Variants in AGBL1 observed in about 807,000 individuals in gnomAD.
AGBL1 encodes the protein AGBL carboxypeptidase 1.
Under a neutral mutation model 118.9 loss-of-function variants are expected in AGBL1, and 130 were observed. The ratio of observed to expected loss-of-function variants is 1.09; its 90% confidence interval spans 0.95 to 1.26. The LOEUF (loss-of-function observed/expected upper bound fraction) is 1.26, where lower values mean the gene tolerates loss of function less well. AGBL1 is among the 50% of genes most tolerant of loss of function. AGBL1 has a pLI of 0.00. For missense variants in AGBL1, 1,584 were observed against 1,298.1 expected, an observed-to-expected ratio of 1.22 and a Z score of -3.38; for synonymous variants, 555 against 478.9, an observed-to-expected ratio of 1.16 and a Z score of -2.08.
chr15:86,723,850 G>C (rs151244145), intron 22 of AGBL1, among the ~76,000 whole-genome samples: 1 of 152,098 alleles, frequency 6.6e-6, no homozygotes, highest in Non-Finnish European at 1.5e-5. Flanking sequence ...TGCAGTGGGC[G>C]TGCTGGCAGA....
chr15:86,717,328 T>A (rs1315609826), intron 22 of AGBL1, among the ~76,000 whole-genome samples: 1 of 152,102 alleles, frequency 6.6e-6, no homozygotes, highest in Non-Finnish European at 1.5e-5. Flanking sequence ...GCTAATATGG[T>A]CAGTGTGGAA....
intron 21 of AGBL1, among the ~76,000 whole-genome samples, chr15:86,627,164 C>G (rs767639362): frequency 8.5e-5 from 13 of 152,126 alleles, no homozygotes; most frequent in East Asian, 1.9e-4. Flanking sequence ...CCACCCCCAG[C>G]TAATTTTGTA....
At chr15:86,390,789 C>T (rs2081268084) in intron 17 of AGBL1, among the ~76,000 whole-genome samples, 1 of 150,058 alleles carries the variant, frequency 6.7e-6, no homozygotes, top group Non-Finnish European at 1.5e-5. Context: ...CCTGCCTCAG[C>T]CTCCCAAGGA....
intron 18 of AGBL1, among the ~76,000 whole-genome samples, chr15:86,520,549 G>A (rs1407433308): frequency 6.6e-6 from 1 of 152,194 alleles, no homozygotes; most frequent in African/African-American, 2.4e-5. Context: ...CCTTCTCCAT[G>A]TAGATGTTGC....
intron 18 of AGBL1, among the ~76,000 whole-genome samples, chr15:86,447,993 A>G (rs1218451989): frequency 6.6e-6 from 1 of 152,044 alleles, no homozygotes. Flanking sequence ...AAAAATACAA[A>G]AACTAGCCGG....
intron 18 of AGBL1, among the ~76,000 whole-genome samples, chr15:86,421,140 C>T (rs1213023976): frequency 6.6e-6 from 1 of 152,060 alleles, no homozygotes; most frequent in East Asian, 1.9e-4. Flanking sequence ...TCAAGAAGAG[C>T]AACCCTAAGA....
At chr15:86,672,483 T>C (rs1567114630) in intron 21 of AGBL1, among the ~76,000 whole-genome samples, 1 of 152,126 alleles carries the variant, frequency 6.6e-6, no homozygotes, top group Non-Finnish European at 1.5e-5. Context: ...GAGGCTGGGG[T>C]TGCAAATGTG....
chr15:86,864,990 C>A (rs1472166353), intron 22 of AGBL1, among the ~76,000 whole-genome samples: 1 of 152,154 alleles, frequency 6.6e-6, no homozygotes, highest in African/African-American at 2.4e-5. Context: ...TGCCTTCTTT[C>A]CCTTTACCAT....
At chr15:86,264,016 G>C (rs2079032810) in intron 10 of AGBL1, among the ~76,000 whole-genome samples, 2 of 152,146 alleles carry the variant, frequency 1.3e-5, no homozygotes, top group African/African-American at 4.8e-5. Context: ...GGGTCTTGAA[G>C]ACATTCAAAT....
intron 22 of AGBL1, among the ~76,000 whole-genome samples, chr15:86,697,079 A>G (rs2086276004): frequency 6.6e-6 from 1 of 151,822 alleles, no homozygotes; most frequent in South Asian, 2.1e-4. Flanking sequence ...GTGCCTAGGT[A>G]TTGAAGTTTT....
intron 23 of AGBL1, among the ~76,000 whole-genome samples, chr15:86,936,607 G>T (rs1292444381): frequency 6.6e-6 from 1 of 152,176 alleles, no homozygotes; most frequent in Non-Finnish European, 1.5e-5. Flanking sequence ...ATATGTAGAA[G>T]ATTGAAGCTG....
chr15:86,914,950 C>T lies in AGBL1; in HGVS notation c.*7656C>T, dbSNP rs2080400772. 6.6e-6 allele frequency: 1 copy of T among 152,188 alleles called. No homozygotes were observed. Among genetic ancestry groups the T allele is most frequent in the Non-Finnish European group, 1.5e-5 (1 of 68,034 alleles). 9.4% of individuals were successfully genotyped at this position (152,188 alleles called of 1,614,324 possible). A position where few individuals can be genotyped will look rare whatever the true frequency, so the allele number is the denominator to read the frequency against. On this transcript the variant is annotated 3_prime_UTR_variant, in exon 23 of 23. Transcript: ENST00000614907. ...CTCAACAGGTTCAAAGTCAAAATCTCCTCCCAACAAAATCTCTACCTCCAA... is the reference window on the plus strand; with the variant it reads ...CTCAACAGGTTCAAAGTCAAAATCTTCTCCCAACAAAATCTCTACCTCCAA...
In AGBL1 at chr15:86,493,405, G is replaced by A. The variant is rs868732916; in HGVS notation, c.2556-29405G>A. Reference sequence around the variant, plus strand: ...CGGAGGAAAAGGGGTTGAAAGAAGAGAATGGAGAGACATTTAGAAGACACA... The same window carrying A: ...CGGAGGAAAAGGGGTTGAAAGAAGAAAATGGAGAGACATTTAGAAGACACA... On this transcript the variant is annotated intron_variant, in intron 18 of 22. Transcript: ENST00000614907. Among the ~76,000 whole-genome samples the A allele has an allele frequency of 4.6e-5, 7 of 152,050 alleles. No individual in the cohort carries two copies. The South Asian group carries it at 1.4e-3, about 31-fold the overall frequency.
intron 23 of AGBL1, among the ~76,000 whole-genome samples, chr15:86,985,662 C>T (rs1049913965): frequency 2.6e-5 from 4 of 151,550 alleles, no homozygotes; most frequent in Non-Finnish European, 2.9e-5. Context: ...TCAATATTTT[C>T]TTCCACTCTG....
chr15:86,186,630 G>A (rs1197803854), intron 5 of AGBL1, among the ~76,000 whole-genome samples: 6 of 152,124 alleles, frequency 3.9e-5, no homozygotes, highest in South Asian at 2.1e-4. Context: ...AGGCTGACAC[G>A]GAGCCCTCTG....
chr15:86,802,909 A>G (rs751582570), intron 22 of AGBL1, among the ~76,000 whole-genome samples: 33 of 152,180 alleles, frequency 2.2e-4, no homozygotes, highest in Non-Finnish European at 4.7e-4. Flanking sequence ...TCAGTATAGA[A>G]CTGTCATAAG....
intron 18 of AGBL1, among the ~76,000 whole-genome samples, chr15:86,505,209 G>A (rs145767113): frequency 5.9e-4 from 90 of 151,898 alleles, no homozygotes; most frequent in Non-Finnish European, 1.2e-3. Flanking sequence ...TGATATTTTG[G>A]TTATTACATG....
At chr15:86,925,199 AAAGAAG>A (rs1406735920) in intron 23 of AGBL1, among the ~76,000 whole-genome samples, 12 of 132,822 alleles carry the variant, frequency 9.0e-5, no homozygotes, top group Non-Finnish European at 1.9e-4. Flanking sequence ...GAAAAGAAGA[AAAGAAG>A]AAGAAAAGAA....
chr15:86,503,513 G>T (rs2082940014), intron 18 of AGBL1, among the ~76,000 whole-genome samples: 1 of 150,508 alleles, frequency 6.6e-6, no homozygotes, highest in South Asian at 2.1e-4. Flanking sequence ...AATATAAAAG[G>T]CTAGATTATT....
Sources: gnomAD v4.1 joint callset for allele counts (sites outside exome capture counted in the v4.1 genomes callset) on GRCh38, gnomAD v4.1.1 for gene constraint, MANE v1.5 for transcripts, NCBI Gene and HGNC (gene_info 2026-07-23, HGNC 2026-07-21) for gene names.